The following ZNF616 variants were observed in gnomAD, a reference collection of about 807,000 sequenced individuals.
ZNF616 encodes zinc finger protein 616.
In ZNF616, 5 loss-of-function variants were observed where a neutral mutation model predicts 7.6. That is an observed-to-expected ratio of 0.66 (90% confidence interval 0.34 to 1.38). ZNF616 has a LOEUF of 1.38. ZNF616 is among the 40% of genes most tolerant of loss of function. The pLI, the probability that ZNF616 is intolerant of heterozygous loss-of-function variation, is 0.04. For synonymous variants in ZNF616, 319 were observed against 317.2 expected (o/e 1.01, Z -0.06); for missense variants, 913 against 948.3 (o/e 0.96, Z 0.49).
chr19:52,132,042 G>T (rs369058795), intron 1 of ZNF616, among the ~76,000 whole-genome samples: 5 of 152,096 alleles, frequency 3.3e-5, no homozygotes, highest in African/African-American at 1.2e-4. Context: ...TAGGGACGAG[G>T]TCTTCAAACA....
chr19:52,131,716 A>C (rs946184695), intron 1 of ZNF616, among the ~76,000 whole-genome samples: 2 of 152,222 alleles, frequency 1.3e-5, no homozygotes, highest in African/African-American at 4.8e-5. Context: ...TGGTTGTTTC[A>C]AAGTTACTTT....
chr19:52,128,706 C>T (rs2088930981), intron 2 of ZNF616, among the ~76,000 whole-genome samples: 1 of 149,338 alleles, frequency 6.7e-6, no homozygotes, highest in South Asian at 2.1e-4. Context: ...TGCGCCATTG[C>T]ACTCCAGCCT....
chr19:52,115,769 A>C lies in ZNF616; in HGVS notation c.1395T>G (p.Tyr465Ter), dbSNP rs1045852539. 4 of 1,613,444 alleles carry C rather than the reference A, an allele frequency of 2.5e-6. No individual in the cohort carries two copies. The African/African-American group carries it at 5.4e-5, about 22-fold the overall frequency. Reference protein sequence around the residue: ...HWRIHTGEKAYKCNECGKVFS... With the variant: ...HWRIHTGEKA ...AAACTTTGCCACATTCATTGCATTT[A>C]TAAGCTTTCTCGCCGGTATGAATTC... Residue 465 changes from tyrosine (Y) to a stop codon, truncating the protein, a stop_gained, in exon 4 of 4, where the codon TAT (tyrosine) becomes TAG (stop). Transcript: ENST00000600228. LOFTEE classifies it low-confidence loss of function (END_TRUNC).
rs185720444 is a variant in ZNF616, at chr19:52,127,606, G to A, written c.12+2895C>T. Among the ~76,000 whole-genome samples the A allele has an allele frequency of 3.9e-5, 6 of 152,120 alleles. No individual in the cohort carries two copies. In the East Asian group the frequency reaches 1.2e-3, roughly 29 times the overall value. On this transcript the variant is annotated intron_variant, in intron 2 of 3. Transcript: ENST00000600228. ...ACACAGTATTTTATAATCACACAGC[G>A]AGCCAGGCCTTCCAAAGAAAGATCA...
chr19:52,122,453 C>G (rs2088871585), intron 3 of ZNF616: 1 of 152,008 alleles, frequency 6.6e-6, no homozygotes, highest in South Asian at 2.1e-4. Flanking sequence ...CCATTATTCT[C>G]CAGCCTGGGC....
At chr19:52,123,113 C>T (rs753380396) in intron 3 of ZNF616, among the ~76,000 whole-genome samples, 2 of 152,036 alleles carry the variant, frequency 1.3e-5, no homozygotes, top group East Asian at 1.9e-4. Flanking sequence ...TATACATTCC[C>T]CAATACAACA....
At chr19:52,123,002 C>T (rs1315752668) in intron 3 of ZNF616, among the ~76,000 whole-genome samples, 2 of 152,116 alleles carry the variant, frequency 1.3e-5, no homozygotes, top group Non-Finnish European at 2.9e-5. Context: ...CTGAAACTGT[C>T]TTATTACAAC....
At chr19:52,127,514 C>T (rs75932537) in intron 2 of ZNF616, among the ~76,000 whole-genome samples, 3,544 of 152,210 alleles carry the variant, frequency 0.023, 131 homozygotes, top group African/African-American at 0.081. Context: ...ACAAGATATA[C>T]AGAAAAATTC....
At position 52,116,644 on chromosome 19, in the gene ZNF616, A is replaced by C. The variant is rs777483114; in HGVS notation, c.520T>G (p.Cys174Gly). The C allele has an allele frequency of 1.9e-6, 3 of 1,614,160 alleles. No individual in the cohort carries two copies. The East Asian group carries it at 6.7e-5, about 36-fold the overall frequency. ...NETEKTGNNG[C>G]LVSPHIREKT... ...TCCCTAATGTGTGGAGAAACTAAAC[A>C]ACCATTATTACCTGTCTTCTCCGTT... The change falls in exon 4 of 4, where the codon TGT becomes GGT. Residue 174 changes from cysteine (C) to glycine (G), a missense_variant. Transcript: ENST00000600228.
intron 3 of ZNF616, among the ~76,000 whole-genome samples, chr19:52,117,516 A>G (rs570333101): frequency 5.3e-5 from 8 of 152,272 alleles, no homozygotes; most frequent in Admixed American, 5.2e-4. Flanking sequence ...CACTCTATTA[A>G]CCCATGATAA....
chr19:52,127,130 C>T (rs574607892), intron 2 of ZNF616, among the ~76,000 whole-genome samples: 1 of 152,186 alleles, frequency 6.6e-6, no homozygotes, highest in Admixed American at 6.5e-5. Flanking sequence ...TCTCAGCTCA[C>T]TGCAACCTCC....
chr19:52,115,751 G>A lies in ZNF616; in HGVS notation c.1413C>T (p.Gly471=). The A allele has an allele frequency of 6.2e-7, 1 of 1,614,100 alleles. No individual in the cohort carries two copies. The highest frequency in any genetic ancestry group is 2.2e-5 in the East Asian group (1 of 44,892). ...GTCGTGAATGTATGCTGAAAACTTTGCCACATTCATTGCATTTATAAGCTT... is the reference window on the plus strand; with the variant it reads ...GTCGTGAATGTATGCTGAAAACTTTACCACATTCATTGCATTTATAAGCTT... ...GEKAYKCNEC[G]KVFSIHSRLA... is the part of the protein sequence containing the mutation. Residue 471 remains glycine (G), a synonymous_variant, in exon 4 of 4, where the codon GGC becomes GGT. Transcript: ENST00000600228.
At chr19:52,128,866 T>C (rs1415465922) in intron 2 of ZNF616, among the ~76,000 whole-genome samples, 1 of 151,736 alleles carries the variant, frequency 6.6e-6, no homozygotes, top group East Asian at 1.9e-4. Flanking sequence ...AAAAAGTCAT[T>C]AGAGTTTAAC....
At chr19:52,128,187 A>T (rs557965043) in intron 2 of ZNF616, among the ~76,000 whole-genome samples, 20 of 104,912 alleles carry the variant, frequency 1.9e-4, no homozygotes, top group African/African-American at 7.8e-4. Flanking sequence ...CCCACCCAAT[A>T]AAAAAAAAAA....
Position 52,139,360 on chromosome 19 carries a change from C to A in ZNF616, c.-77+372G>T, listed in dbSNP as rs1018612197. ...GGGGCAGCCTGGGGAGGGGAAGGACCCGGCGTGAGGAGGACACTAGGTGGC... is the reference window on the plus strand; with the variant it reads ...GGGGCAGCCTGGGGAGGGGAAGGACACGGCGTGAGGAGGACACTAGGTGGC... On this transcript the variant is annotated intron_variant, in intron 1 of 3. Coordinates refer to ENST00000600228, the MANE Select transcript of ZNF616 (RefSeq NM_178523.5). This position sits in a 1 kb window ranked among gnomAD's most constrained non-coding sequence, Gnocchi z 4.1. Among the ~76,000 whole-genome samples, 2 of 152,072 alleles carry A rather than the reference C, an allele frequency of 1.3e-5. No homozygotes were observed. Among genetic ancestry groups the A allele is most frequent in the African/African-American group, 4.8e-5 (2 of 41,412 alleles).
intron 2 of ZNF616, among the ~76,000 whole-genome samples, chr19:52,128,305 T>C (rs1329218751): frequency 1.3e-5 from 2 of 152,172 alleles, no homozygotes; most frequent in East Asian, 3.8e-4. Flanking sequence ...GGTTTCATTA[T>C]TTTGTGGAAA....
intron 3 of ZNF616, among the ~76,000 whole-genome samples, chr19:52,121,889 A>C (rs1372837366): frequency 1.3e-5 from 2 of 152,176 alleles, no homozygotes; most frequent in Non-Finnish European, 2.9e-5. Flanking sequence ...TTCTGGATAA[A>C]ATATAATTTT....
chr19:52,129,753 G>A (rs62107529), intron 2 of ZNF616, among the ~76,000 whole-genome samples: 2 of 151,554 alleles, frequency 1.3e-5, no homozygotes, highest in African/African-American at 4.8e-5. Context: ...AAATCAGGCA[G>A]AAAGATCTCC....
chr19:52,120,791 A>G (rs1018003312), intron 3 of ZNF616, among the ~76,000 whole-genome samples: 2 of 152,218 alleles, frequency 1.3e-5, no homozygotes, highest in Non-Finnish European at 2.9e-5. Context: ...TATGCACCTA[A>G]TATTAGAGAT....
Sources: allele counts gnomAD v4.1 joint callset (sites outside exome capture counted in the v4.1 genomes callset), GRCh38; gene constraint gnomAD v4.1.1; non-coding constraint Gnocchi (gnomAD v3.1); transcripts MANE v1.5; gene names NCBI Gene and HGNC (gene_info 2026-07-23, HGNC 2026-07-21).